Variants in RGS12 observed in about 807,000 individuals in gnomAD.
The protein encoded by RGS12 is regulator of G-protein signaling 12.
Under a neutral mutation model 120.1 loss-of-function variants are expected in RGS12, and 66 were observed. That is an observed-to-expected ratio of 0.55 (90% confidence interval 0.45 to 0.67). The LOEUF (loss-of-function observed/expected upper bound fraction) is 0.67. Ranked by LOEUF, RGS12 falls within the 30% of genes least tolerant of loss-of-function variation. The probability of loss-of-function intolerance (pLI) is 0.00; values close to 1 mark genes in which losing one functional copy is unlikely to be tolerated. For missense variants in RGS12, 1,859 were observed against 1,957.7 expected, an observed-to-expected ratio of 0.95 and a Z score of 0.95; for synonymous variants, 827 against 804.7, an observed-to-expected ratio of 1.03 and a Z score of -0.47.
chr4:3,428,337 C>T (rs569006629), intron 15 of RGS12, 168 bp downstream of exon 15: 1 of 807,316 alleles, frequency 1.2e-6, no homozygotes, highest in East Asian at 2.6e-5. Context: ...CTCCCTCTTA[C>T]CTGTGAAGGA....
intron 1 of RGS12, among the ~76,000 whole-genome samples, chr4:3,295,367 T>C (rs146225676): frequency 0.01 from 1,580 of 151,960 alleles, 22 homozygotes; most frequent in Middle Eastern, 0.034. Flanking sequence ...CCAAGCAAAA[T>C]AATCAGGCTG....
At chr4:3,320,316 T>A (rs552549071) in intron 2 of RGS12, among the ~76,000 whole-genome samples, 1 of 152,320 alleles carries the variant, frequency 6.6e-6, no homozygotes, top group African/African-American at 2.4e-5. Context: ...ATGCCAGCCT[T>A]GGGCTTCTTT....
chr4:3,316,048 G>C (rs1466357451), intron 1 of RGS12, 22 bp from the exon 2 acceptor site: 3 of 906,694 alleles, frequency 3.3e-6, no homozygotes, highest in Non-Finnish European at 5.0e-6. Context: ...TTAATAATGA[G>C]CTGTTCGTTT....
At chr4:3,403,813 T>C (rs1436879831) in intron 4 of RGS12, among the ~76,000 whole-genome samples, 5 of 152,260 alleles carry the variant, frequency 3.3e-5, no homozygotes, top group African/African-American at 1.2e-4. Context: ...AAAGGCCTCA[T>C]TGCTTTAAGT....
chr4:3,296,976 C>T (rs924682899), intron 1 of RGS12, among the ~76,000 whole-genome samples: 2 of 152,188 alleles, frequency 1.3e-5, no homozygotes, highest in Non-Finnish European at 2.9e-5. Flanking sequence ...TGGGGGCCAC[C>T]GTTGCAGAAG....
At chr4:3,361,637 T>C (rs1240794927) in intron 3 of RGS12, among the ~76,000 whole-genome samples, 3 of 152,074 alleles carry the variant, frequency 2.0e-5, no homozygotes, top group Admixed American at 2.0e-4. Flanking sequence ...AGGCCCTCAG[T>C]GGGGAGCACC....
chr4:3,395,956 C>T lies in RGS12; in HGVS notation c.2020+9519C>T, dbSNP rs139149724. On this transcript the variant is annotated intron_variant, in intron 4 of 17. Coordinates refer to ENST00000336727, the MANE Select transcript of RGS12 (RefSeq NM_001394154.1). Reference sequence around the variant, plus strand: ...GTGTAGCGTTTGCATATAACCTACCCATACCTTCCTGGGTACTTTAAATCA... The same window carrying T: ...GTGTAGCGTTTGCATATAACCTACCTATACCTTCCTGGGTACTTTAAATCA... Among the ~76,000 whole-genome samples the T allele has an allele frequency of 5.1e-3, 775 of 152,274 alleles. 6 individuals are homozygous for T. The highest frequency in any genetic ancestry group is 0.018 in the African/African-American group (735 of 41,550).
intron 1 of RGS12, among the ~76,000 whole-genome samples, chr4:3,310,651 T>A (rs1724333514): frequency 6.6e-6 from 1 of 151,742 alleles, no homozygotes; most frequent in African/African-American, 2.4e-5. Flanking sequence ...GGGGCGGGTA[T>A]CAGATCGTCT....
chr4:3,315,955 G>A (rs1331489599), intron 1 of RGS12, 115 bp from the exon 2 acceptor site: 5 of 463,988 alleles, frequency 1.1e-5, no homozygotes, highest in East Asian at 6.6e-5. Context: ...GACACTTAGA[G>A]GCTCTTTCTG....
chr4:3,399,054 A>C (rs1720330707), intron 4 of RGS12, among the ~76,000 whole-genome samples: 1 of 152,232 alleles, frequency 6.6e-6, no homozygotes, highest in Non-Finnish European at 1.5e-5. Context: ...GTCAAGGAAG[A>C]AATTAAAATG....
chr4:3,411,887 C>T (rs74957803), intron 4 of RGS12, among the ~76,000 whole-genome samples: 3,863 of 152,378 alleles, frequency 0.025, 85 homozygotes, highest in African/African-American at 0.054. Context: ...CGCTGGTGCG[C>T]GTCTTCTTGC....
chr4:3,422,865 C>G, intron 11 of RGS12, 40 bp from the exon 12 acceptor site: 1 of 1,575,542 alleles, frequency 6.3e-7, no homozygotes, highest in Non-Finnish European at 8.7e-7. Context: ...GGGGGGCTGC[C>G]TGCTGTGCCC....
chr4:3,397,316 GCA>G (rs1192780667), intron 4 of RGS12, among the ~76,000 whole-genome samples: 5 of 152,274 alleles, frequency 3.3e-5, no homozygotes, highest in Admixed American at 2.6e-4. Context: ...AAGGAGCTGT[GCA>G]AGTGCGTGGC....
chr4:3,422,927 G>A lies in RGS12; in HGVS notation c.3056G>A (p.Ser1019Asn). 6.2e-7 allele frequency: 1 copy of A among 1,613,244 alleles called. No individual in the cohort carries two copies. The highest frequency in any genetic ancestry group is 8.5e-7 in the Non-Finnish European group (1 of 1,179,850). ...CAGCCTCTGGTGCTGCACCAAGACA[G>A]TAGCATCTTGGAGTCAAGGGACCTG... ...GDKPLVLHQDSSILESRDLRL... is the reference protein window; with the variant it reads ...GDKPLVLHQDNSILESRDLRL... Residue 1019 changes from serine to asparagine, a missense_variant, in exon 12 of 18, where the codon AGT becomes AAT. By Grantham distance (46) the Ser-to-Asn change is conservative (BLOSUM62 1). Coordinates refer to ENST00000336727, the MANE Select transcript of RGS12 (RefSeq NM_001394154.1).
chr4:3,393,659 T>C (rs769759211), intron 4 of RGS12, among the ~76,000 whole-genome samples: 4 of 152,214 alleles, frequency 2.6e-5, no homozygotes, highest in Non-Finnish European at 5.9e-5. Context: ...TTGCTTTTCT[T>C]TTTTCTGTCT....
rs751982308 is a variant in RGS12 at position 3,430,703 on chromosome 4, A to AC, written c.3870dup (p.Gly1291ArgfsTer45). On this transcript the variant is annotated frameshift_variant, in exon 17 of 18. Coordinates refer to ENST00000336727, the MANE Select transcript of RGS12 (RefSeq NM_001394154.1). LOFTEE classifies it high-confidence loss of function. ...CAGCCCCCCTGGACCTCCTGGGACG[A>AC]CCCCCCCCGGGCAGAAGTCTCCCAG... is the stretch of plus-strand genomic sequence containing the variant. 79 of 1,562,636 alleles carry AC rather than the reference A, an allele frequency of 5.1e-5. No individual in the cohort carries two copies. The highest frequency in any genetic ancestry group is 1.2e-4 in the South Asian group (10 of 83,906).
chr4:3,288,132 G>A (rs961597061), upstream of RGS12, among the ~76,000 whole-genome samples: 7 of 152,206 alleles, frequency 4.6e-5, no homozygotes, highest in African/African-American at 7.2e-5. This position sits in a 1 kb window ranked among gnomAD's most constrained non-coding sequence, Gnocchi z 5.2. Context: ...ACAAGGATTC[G>A]ATGGCAGATA....
At chr4:3,436,303 C>T (rs1386152809) in intron 17 of RGS12, among the ~76,000 whole-genome samples, 1 of 152,150 alleles carries the variant, frequency 6.6e-6, no homozygotes, top group Non-Finnish European at 1.5e-5. Flanking sequence ...CCTCTGGCTC[C>T]CCTCGCTCCC....
In RGS12 at chr4:3,339,460, G is replaced by A. The variant is rs528012616; in HGVS notation, c.1882-3477G>A. On this transcript the variant is annotated intron_variant, in intron 2 of 17. Transcript: ENST00000336727. The stretch of plus-strand genomic sequence containing the variant: ...TCATACCTCTCCCTCCGGCCTGGGC[G>A]ACAGAGTGAGATCCTGTCTCAAAAG... Among the ~76,000 whole-genome samples the A allele has an allele frequency of 4.1e-4, 63 of 152,190 alleles. 1 individual carries two copies. Among genetic ancestry groups the A allele is most frequent in the Non-Finnish European group, 7.4e-4 (50 of 68,002 alleles).
Sources: allele counts gnomAD v4.1 joint callset (sites outside exome capture counted in the v4.1 genomes callset), GRCh38; gene constraint gnomAD v4.1.1; non-coding constraint Gnocchi (gnomAD v3.1); transcripts MANE v1.5; gene names NCBI Gene and HGNC (gene_info 2026-07-23, HGNC 2026-07-21).